MALRD1: variants seen among roughly 807,000 people sequenced by gnomAD.
MALRD1 encodes the protein MAM and LDL-receptor class A domain-containing protein 1.
MALRD1 carries 247 observed loss-of-function variants against 242.1 expected under a neutral mutation model. The ratio of observed to expected loss-of-function variants is 1.02; its 90% CI spans 0.92 to 1.13. MALRD1 has a LOEUF of 1.13. MALRD1 is among the 50% of genes most tolerant of loss of function. MALRD1 has a pLI of 0.00. For missense variants in MALRD1, 2,989 were observed against 2,533.1 expected, an observed-to-expected ratio of 1.18 and a Z score of -3.86; for synonymous variants, 995 against 866.6, an observed-to-expected ratio of 1.15 and a Z score of -2.60.
chr10:19,620,436 A>G (rs990015891), intron 36 of MALRD1, among the ~76,000 whole-genome samples: 12 of 152,062 alleles, frequency 7.9e-5, no homozygotes, highest in Admixed American at 3.3e-4. Flanking sequence ...GGTATTTTGT[A>G]TTGAAAGATG....
intron 5 of MALRD1, among the ~76,000 whole-genome samples, chr10:19,113,833 A>T (rs1005134092): frequency 1.4e-5 from 2 of 143,676 alleles, no homozygotes; most frequent in Non-Finnish European, 3.1e-5. Flanking sequence ...ACACACACAG[A>T]CACACACACA....
chr10:19,448,941 C>T (rs1673254587), intron 28 of MALRD1, among the ~76,000 whole-genome samples: 1 of 152,034 alleles, frequency 6.6e-6, no homozygotes, highest in Non-Finnish European at 1.5e-5. Context: ...AGTGATTTCT[C>T]CAACATGTTT....
At position 19,507,803 on chromosome 10, in the gene MALRD1, G is replaced by A. The variant is rs540925234; in HGVS notation, c.5320+9157G>A. Among the ~76,000 whole-genome samples, 326 of 152,286 alleles carry A rather than the reference G, an allele frequency of 2.1e-3. 2 individuals are homozygous for A. The highest frequency in any genetic ancestry group is 3.9e-3 in the South Asian group (19 of 4,826). On this transcript the variant is annotated intron_variant, in intron 31 of 39. Transcript: ENST00000454679. The stretch of plus-strand genomic sequence containing the variant: ...CAATCACCACATTGAAAATGTATGT[G>A]AATAAATGGAGGTGTTTTCACAGGT...
chr10:19,354,466 A>G (rs1182513726), intron 26 of MALRD1, among the ~76,000 whole-genome samples: 1 of 152,126 alleles, frequency 6.6e-6, no homozygotes, highest in East Asian at 1.9e-4. Flanking sequence ...ACTAGATTGT[A>G]TTCCTTCAAT....
intron 12 of MALRD1, among the ~76,000 whole-genome samples, chr10:19,157,575 T>C (rs1424044832): frequency 6.6e-6 from 1 of 152,100 alleles, no homozygotes; most frequent in Non-Finnish European, 1.5e-5. Context: ...AGTTACAGAA[T>C]AAGCAAACAG....
chr10:19,450,491 G>A lies in MALRD1; in HGVS notation c.5029+1G>A. The A allele has an allele frequency of 1.3e-6, 2 of 1,540,150 alleles. No homozygotes were observed. The highest frequency in any genetic ancestry group is 2.5e-5 in the East Asian group (1 of 40,810). On this transcript the variant is annotated splice_donor_variant, in intron 29 of 39. Transcript: ENST00000454679. LOFTEE classifies it high-confidence loss of function. The stretch of plus-strand genomic sequence containing the variant: ...ATTGAATTTAAAAACTGCACAACTG[G>A]TAAGTTTCCAGAAAGCACTTCCATT...
At chr10:19,142,765 G>A (rs1252110989) in intron 10 of MALRD1, among the ~76,000 whole-genome samples, 2 of 152,130 alleles carry the variant, frequency 1.3e-5, no homozygotes, top group East Asian at 1.9e-4. Flanking sequence ...AACACATATA[G>A]TATGATAAGA....
At chr10:19,680,733 A>G (rs766906906) in intron 36 of MALRD1, among the ~76,000 whole-genome samples, 3 of 152,044 alleles carry the variant, frequency 2.0e-5, no homozygotes, top group Admixed American at 6.6e-5. Flanking sequence ...TCATAGTGTC[A>G]TTGGTCTTTG....
intron 36 of MALRD1, among the ~76,000 whole-genome samples, chr10:19,663,939 A>G (rs2131740074): frequency 6.6e-6 from 1 of 152,172 alleles, no homozygotes; most frequent in Middle Eastern, 3.4e-3. Flanking sequence ...ACCCATACAC[A>G]TTTCTGGGTT....
At chr10:19,227,078 G>A (rs1354204686) in intron 18 of MALRD1, among the ~76,000 whole-genome samples, 1 of 151,820 alleles carries the variant, frequency 6.6e-6, no homozygotes, top group Non-Finnish European at 1.5e-5. Flanking sequence ...TAATTCCCCT[G>A]AAACTGATCT....
chr10:19,652,035 G>A (rs1031289742), intron 36 of MALRD1, among the ~76,000 whole-genome samples: 5 of 152,166 alleles, frequency 3.3e-5, no homozygotes, highest in African/African-American at 9.7e-5. Context: ...GCCTTGGGGC[G>A]ATACTGTCTC....
chr10:19,047,918 A>C (rs374752062), upstream of MALRD1, among the ~76,000 whole-genome samples: 1 of 152,226 alleles, frequency 6.6e-6, no homozygotes, highest in Admixed American at 6.5e-5. Context: ...AATTAAAATA[A>C]AATAGTTGAA....
intron 29 of MALRD1, 99 bp downstream of exon 29, chr10:19,450,589 T>G: frequency 9.6e-7 from 1 of 1,037,010 alleles, no homozygotes; most frequent in Non-Finnish European, 1.4e-6. Flanking sequence ...TTATGTATTT[T>G]GTACACATAC....
chr10:19,452,312 A>G (rs552510472), intron 29 of MALRD1, among the ~76,000 whole-genome samples: 32 of 152,150 alleles, frequency 2.1e-4, no homozygotes, highest in Non-Finnish European at 3.5e-4. Flanking sequence ...CCTTTTTCGT[A>G]ATAGAGTTCT....
At chr10:19,204,715 C>A (rs1836711062) in intron 16 of MALRD1, among the ~76,000 whole-genome samples, 183 bp from the exon 17 acceptor site, 1 of 152,098 alleles carries the variant, frequency 6.6e-6, no homozygotes, top group Non-Finnish European at 1.5e-5. Context: ...GTTGTGAGAA[C>A]CACAGAGTGT....
chr10:19,490,113 T>TAG (rs1382164953), intron 29 of MALRD1, among the ~76,000 whole-genome samples: 2 of 152,168 alleles, frequency 1.3e-5, no homozygotes, highest in East Asian at 3.9e-4. Flanking sequence ...TTACAATATA[T>TAG]AGGTTTTTAG....
At chr10:19,689,148 C>A (rs993625618) in intron 36 of MALRD1, among the ~76,000 whole-genome samples, 3 of 152,164 alleles carry the variant, frequency 2.0e-5, no homozygotes, top group African/African-American at 7.2e-5. Flanking sequence ...CATGATACAT[C>A]GCTGAGAGAA....
intron 36 of MALRD1, among the ~76,000 whole-genome samples, chr10:19,621,672 C>A (rs899117620): frequency 9.9e-5 from 15 of 151,650 alleles, no homozygotes; most frequent in African/African-American, 3.6e-4. Context: ...AACTATAATT[C>A]AAGTAAACTT....
intron 29 of MALRD1, chr10:19,489,175 TA>T: frequency 2.1e-6 from 1 of 470,936 alleles, no homozygotes. Flanking sequence ...TGTTGTCAGG[TA>T]AACCTGCTCC....
Sources: gnomAD v4.1 joint callset for allele counts (sites outside exome capture counted in the v4.1 genomes callset) on GRCh38, gnomAD v4.1.1 for gene constraint, MANE v1.5 for transcripts, NCBI Gene and HGNC (gene_info 2026-07-23, HGNC 2026-07-21) for gene names.